Variants in MAP2K4 observed in about 807,000 individuals in gnomAD.
The protein encoded by MAP2K4 is mitogen-activated protein kinase kinase 4.
MAP2K4 carries 4 observed loss-of-function variants against 48.5 expected under a neutral mutation model. The ratio of observed to expected loss-of-function variants is 0.08; its 90% CI spans 0.04 to 0.19. MAP2K4 has a LOEUF of 0.19. Ranked by LOEUF, MAP2K4 falls within the 10% of genes least tolerant of loss-of-function variation. The pLI, the probability that MAP2K4 is intolerant of heterozygous loss-of-function variation, is 1.00. For missense variants in MAP2K4, 258 were observed against 493.3 expected, an observed-to-expected ratio of 0.52 and a Z score of 4.52; for synonymous variants, 166 against 173.1, an observed-to-expected ratio of 0.96 and a Z score of 0.32.
intron 2 of MAP2K4, among the ~76,000 whole-genome samples, chr17:12,076,625 A>G (rs1971019522): frequency 1.3e-5 from 2 of 152,198 alleles, no homozygotes; most frequent in African/African-American, 4.8e-5. Flanking sequence ...CATGCCCTAT[A>G]TTAAGTATTC....
At chr17:12,098,116 G>T (rs1971819580) in intron 4 of MAP2K4, among the ~76,000 whole-genome samples, 1 of 152,112 alleles carries the variant, frequency 6.6e-6, no homozygotes, top group African/African-American at 2.4e-5. Flanking sequence ...TACAATAAAA[G>T]TGTTACTTTT....
At chr17:12,133,995 C>T (rs891949111) in intron 9 of MAP2K4, among the ~76,000 whole-genome samples, 1 of 152,230 alleles carries the variant, frequency 6.6e-6, no homozygotes, top group African/African-American at 2.4e-5. Flanking sequence ...TAAAGAAAAG[C>T]TCAAGCTTTG....
chr17:12,073,770 A>G (rs1011970170), intron 2 of MAP2K4, among the ~76,000 whole-genome samples: 1 of 137,730 alleles, frequency 7.3e-6, no homozygotes, highest in African/African-American at 2.7e-5. Flanking sequence ...CTCGTTGTAG[A>G]TTTTTTTTTT....
intron 2 of MAP2K4, among the ~76,000 whole-genome samples, chr17:12,068,140 A>T (rs890468261): frequency 1.3e-5 from 2 of 152,162 alleles, no homozygotes; most frequent in Non-Finnish European, 2.9e-5. Flanking sequence ...GTTCACATGG[A>T]GGGTGACTGA....
At chr17:12,111,387 A>G (rs1014895284) in intron 6 of MAP2K4, among the ~76,000 whole-genome samples, 1 of 152,004 alleles carries the variant, frequency 6.6e-6, no homozygotes, top group Non-Finnish European at 1.5e-5. Flanking sequence ...GTTAGAAATA[A>G]TATCTTTTTT....
In MAP2K4 at chr17:12,087,622, T is replaced by C. The variant is rs1004529756; in HGVS notation, c.393+6092T>C. Among the ~76,000 whole-genome samples the C allele has an allele frequency of 2.6e-5, 4 of 152,056 alleles. No homozygotes were observed. The East Asian group carries it at 7.7e-4, about 29-fold the overall frequency. ...GAGAAGAATGGGGTATTACTATTAA[T>C]TAATTAATTAATTAATGGGGCTAAG... On this transcript the variant is annotated intron_variant, in intron 3 of 10. Transcript: ENST00000353533.
intron 4 of MAP2K4, among the ~76,000 whole-genome samples, chr17:12,100,531 G>A (rs575703526): frequency 3.3e-5 from 5 of 152,178 alleles, no homozygotes; most frequent in South Asian, 2.1e-4. Context: ...GAGCATTTAT[G>A]TACAATTGTT....
chr17:12,042,167 CAAAAAAAAA>C (rs71142262), intron 1 of MAP2K4, among the ~76,000 whole-genome samples: 4 of 55,384 alleles, frequency 7.2e-5, no homozygotes, highest in East Asian at 6.5e-4. Context: ...AACTTTGTCT[CAAAAAAAAA>C]AAAAAAAAAA....
intron 1 of MAP2K4, among the ~76,000 whole-genome samples, chr17:12,029,037 G>A (rs1256428628): frequency 2.0e-5 from 3 of 151,926 alleles, no homozygotes; most frequent in Non-Finnish European, 2.9e-5. Context: ...TTACTTTATC[G>A]AACACCATTT....
chr17:12,021,868 G>A (rs1969083929), intron 1 of MAP2K4, among the ~76,000 whole-genome samples: 1 of 152,204 alleles, frequency 6.6e-6, no homozygotes, highest in African/African-American at 2.4e-5. Flanking sequence ...TTTCCCCACT[G>A]GGAATGCTTA....
chr17:12,066,326 TAA>T (rs1250301605), intron 2 of MAP2K4, among the ~76,000 whole-genome samples: 1 of 152,164 alleles, frequency 6.6e-6, no homozygotes, highest in African/African-American at 2.4e-5. Flanking sequence ...TCTCCAAAGA[TAA>T]CCCTGTTAAA....
At chr17:12,065,244 T>TTA (rs1184062296) in intron 2 of MAP2K4, among the ~76,000 whole-genome samples, 6 of 141,728 alleles carry the variant, frequency 4.2e-5, no homozygotes, top group African/African-American at 1.3e-4. Context: ...ACAATAACAA[T>TTA]TATATATATA....
chr17:12,098,458 A>G (rs1971830287), intron 4 of MAP2K4, among the ~76,000 whole-genome samples: 1 of 151,212 alleles, frequency 6.6e-6, no homozygotes, highest in African/African-American at 2.4e-5. Flanking sequence ...AGCCTGGGCA[A>G]CAGAGCGAGA....
chr17:12,063,748 G>A (rs1044600670), intron 2 of MAP2K4, among the ~76,000 whole-genome samples: 2 of 151,844 alleles, frequency 1.3e-5, no homozygotes, highest in Non-Finnish European at 2.9e-5. Flanking sequence ...CGAGGCAGGC[G>A]GGTCACTTGA....
chr17:12,045,409 T>C (rs926382810), intron 1 of MAP2K4, among the ~76,000 whole-genome samples: 1 of 152,196 alleles, frequency 6.6e-6, no homozygotes, highest in African/African-American at 2.4e-5. Context: ...TCAAGCAAGC[T>C]GTTCTTCAGA....
chr17:12,141,009 C>T, intron 10 of MAP2K4, 138 bp from the exon 11 acceptor site: 1 of 638,574 alleles, frequency 1.6e-6, no homozygotes, highest in Non-Finnish European at 2.8e-6. Flanking sequence ...ACTCGCCTCT[C>T]TGAACTTGTA....
intron 4 of MAP2K4, among the ~76,000 whole-genome samples, chr17:12,104,847 G>C (rs1567662307): frequency 6.6e-6 from 1 of 152,012 alleles, no homozygotes; most frequent in African/African-American, 2.4e-5. Context: ...AGAACTCTTA[G>C]AAAAAAAGTT....
rs190560752 is a variant in MAP2K4 at position 12,029,290 on chromosome 17, A to G, written c.115+8289A>G. Among the ~76,000 whole-genome samples the G allele has an allele frequency of 1.0e-3, 158 of 152,310 alleles. 1 individual carries two copies. The highest frequency in any genetic ancestry group is 3.8e-3 in the African/African-American group (156 of 41,570). On this transcript the variant is annotated intron_variant, in intron 1 of 10. Coordinates refer to ENST00000353533, the MANE Select transcript of MAP2K4 (RefSeq NM_003010.4). ...TATAGGCTTACTAGCATTCTGTCCT[A>G]TGCATTTTGATATTGATTCATCAGT...
chr17:12,092,974 C>T (rs540106222), intron 3 of MAP2K4, among the ~76,000 whole-genome samples: 2 of 152,162 alleles, frequency 1.3e-5, no homozygotes, highest in Non-Finnish European at 2.9e-5. Flanking sequence ...TGCAGTGAGC[C>T]GAGATCGCGC....
Sources: allele counts gnomAD v4.1 joint callset (sites outside exome capture counted in the v4.1 genomes callset), GRCh38; gene constraint gnomAD v4.1.1; transcripts MANE v1.5; gene names NCBI Gene and HGNC (gene_info 2026-07-23, HGNC 2026-07-21).